Variants in NBAS observed in about 807,000 individuals in gnomAD.
The protein encoded by NBAS is NAG/BC035112 fusion.
Under a neutral mutation model 302.5 loss-of-function variants are expected in NBAS, and 219 were observed. That is an observed-to-expected ratio of 0.72 (90% CI 0.65 to 0.81). The LOEUF (loss-of-function observed/expected upper bound fraction) is 0.81, where lower values mean the gene tolerates loss of function less well. Ranked by LOEUF, NBAS falls within the 30% of genes least tolerant of loss-of-function variation. The probability of loss-of-function intolerance (pLI) is 0.00; values close to 1 mark genes in which losing one functional copy is unlikely to be tolerated. For synonymous variants in NBAS, 1,118 were observed against 1,021.6 expected, an observed-to-expected ratio of 1.09 and a Z score of -1.80; for missense variants, 2,932 against 2,841.6, an observed-to-expected ratio of 1.03 and a Z score of -0.72.
At chr2:15,290,086 G>A (rs1670237709) in intron 41 of NBAS, among the ~76,000 whole-genome samples, 1 of 149,350 alleles carries the variant, frequency 6.7e-6, no homozygotes, top group Non-Finnish European at 1.5e-5. Flanking sequence ...GGAGAGAGTA[G>A]AGGGGAGAGG....
chr2:15,305,579 G>A (rs2020147), intron 40 of NBAS, among the ~76,000 whole-genome samples: 82,244 of 151,098 alleles, frequency 0.54, 23,918 homozygotes, highest in East Asian at 0.85. Context: ...AGCCTCCCCA[G>A]TAGTTGGGAT....
chr2:14,909,859 G>T, the NBAS span, among the ~76,000 whole-genome samples: 2 of 152,208 alleles, frequency 1.3e-5, no homozygotes, highest in East Asian at 1.9e-4. Context: ...GGACAGCCCA[G>T]TTGAGCTTGC....
chr2:15,229,631 A>C (rs1447834050), intron 47 of NBAS, among the ~76,000 whole-genome samples: 2 of 151,558 alleles, frequency 1.3e-5, no homozygotes, highest in African/African-American at 4.8e-5. Context: ...AGAATACAAA[A>C]ATTAGCTGGA....
At chr2:15,036,837 A>G in the NBAS span, among the ~76,000 whole-genome samples, 1 of 152,152 alleles carries the variant, frequency 6.6e-6, no homozygotes, top group Non-Finnish European at 1.5e-5. Context: ...GCTGCCCAAG[A>G]GCACACAGCT....
At chr2:15,132,502 G>A in the NBAS span, among the ~76,000 whole-genome samples, 1 of 152,080 alleles carries the variant, frequency 6.6e-6, no homozygotes, top group South Asian at 2.1e-4. Flanking sequence ...TTATAACAGT[G>A]GATATATGCC....
At chr2:15,406,060 T>C (rs1676391661) in intron 25 of NBAS, among the ~76,000 whole-genome samples, 1 of 146,720 alleles carries the variant, frequency 6.8e-6, no homozygotes, top group African/African-American at 2.5e-5. Context: ...GTAGACAAAC[T>C]GTTACTAAAG....
the NBAS span, among the ~76,000 whole-genome samples, chr2:14,961,644 A>T: frequency 1.3e-5 from 2 of 152,328 alleles, no homozygotes; most frequent in South Asian, 2.1e-4. Context: ...ATCGACTGAC[A>T]TAGGATCAAA....
chr2:15,378,187 T>C (rs144487534), intron 30 of NBAS, among the ~76,000 whole-genome samples: 2,065 of 152,224 alleles, frequency 0.014, 32 homozygotes, highest in East Asian at 0.06. Flanking sequence ...TCAGTTGCCT[T>C]GAGGCGGAAA....
chr2:14,889,541 C>T, the NBAS span, among the ~76,000 whole-genome samples: 5,777 of 152,198 alleles, frequency 0.038, 137 homozygotes, highest in Non-Finnish European at 0.051. Flanking sequence ...CAGATTACTG[C>T]GATTTTCTAA....
intron 12 of NBAS, among the ~76,000 whole-genome samples, chr2:15,479,053 C>T (rs986127046): frequency 6.6e-6 from 1 of 152,090 alleles, no homozygotes; most frequent in Non-Finnish European, 1.5e-5. Flanking sequence ...GCTTTTTCAT[C>T]TAATGCAACA....
In NBAS at chr2:15,396,486, A is replaced by G. The variant is rs771361390; in HGVS notation, c.3072-11T>C. Reference sequence around the variant, plus strand: ...GCCTCTGTCTTATCACTAATAAATTAAAAGAAGAAAAAAAAAAGCCCTTAA... The same window carrying G: ...GCCTCTGTCTTATCACTAATAAATTGAAAGAAGAAAAAAAAAAGCCCTTAA... On this transcript the variant is annotated splice_polypyrimidine_tract_variant and intron_variant, in intron 26 of 51. Coordinates refer to ENST00000281513, the MANE Select transcript of NBAS (RefSeq NM_015909.4). 1.3e-6 allele frequency: 2 copies of G among 1,555,744 alleles called. No individual in the cohort carries two copies. The highest frequency in any genetic ancestry group is 4.5e-5 in the East Asian group (2 of 44,386).
chr2:15,353,355 T>C lies in NBAS; in HGVS notation c.4089+198A>G, dbSNP rs147133154. 2.6e-3 allele frequency among the ~76,000 whole-genome samples: 401 copies of C among 152,370 alleles called. 3 individuals are homozygous for C. Among genetic ancestry groups the C allele is most frequent in the Non-Finnish European group, 4.6e-3 (315 of 68,040 alleles). On this transcript the variant is annotated intron_variant, in intron 34 of 51. Coordinates refer to ENST00000281513, the MANE Select transcript of NBAS (RefSeq NM_015909.4). ...TCTCAAGGCTGTCTTGTATCCTTTC[T>C]TCCTTGCTGTTATAAAGCCAGCAAC...
downstream of NBAS, chr2:15,166,904 G>A: frequency 2.7e-6 from 3 of 1,111,302 alleles, no homozygotes; most frequent in Non-Finnish European, 3.7e-6. Context: ...TAAAAAAGCG[G>A]CAGCTTGCTC....
At chr2:15,316,198 C>G (rs567822323) in intron 38 of NBAS, among the ~76,000 whole-genome samples, 3 of 152,302 alleles carry the variant, frequency 2.0e-5, no homozygotes, top group Admixed American at 1.3e-4. Flanking sequence ...AAAGCATTGT[C>G]TAAACAAGTT....
At chr2:15,344,037 A>G (rs1468633229) in intron 35 of NBAS, among the ~76,000 whole-genome samples, 3 of 151,764 alleles carry the variant, frequency 2.0e-5, no homozygotes, top group Non-Finnish European at 2.9e-5. Flanking sequence ...TTACAGCTCA[A>G]TAAGACAAAT....
chr2:14,806,707 G>C, the NBAS span, among the ~76,000 whole-genome samples: 1 of 152,230 alleles, frequency 6.6e-6, no homozygotes, highest in South Asian at 2.1e-4. Context: ...TCATTGTCCT[G>C]ATTACTAATA....
In NBAS at chr2:15,238,627, A is replaced by G. The variant is rs779254744; in HGVS notation, c.5784T>C (p.Phe1928=). ...AGTTTCTTTTCCTTGGCTTCTCAAT[A>G]AAATGTTTGACTGTCTTAATAGCCT... ...TRKAIKTVKH[F]IEKPRKRNSE... Residue 1928 remains phenylalanine (F), a synonymous_variant, in exon 45 of 52, where the codon TTT becomes TTC. Transcript: ENST00000281513. The G allele has an allele frequency of 4.7e-5, 76 of 1,613,290 alleles. No individual in the cohort carries two copies. Among genetic ancestry groups the G allele is most frequent in the Non-Finnish European group, 5.2e-5 (61 of 1,179,882 alleles).
At chr2:15,183,738 G>A (rs1393686250) in intron 50 of NBAS, among the ~76,000 whole-genome samples, 1 of 151,802 alleles carries the variant, frequency 6.6e-6, no homozygotes, top group African/African-American at 2.4e-5. Context: ...TATGTATGAT[G>A]TTCCCTGCCC....
chr2:15,026,270 C>T, the NBAS span, among the ~76,000 whole-genome samples: 1 of 51,460 alleles, frequency 1.9e-5, no homozygotes, highest in Non-Finnish European at 3.5e-5. Flanking sequence ...TCCTGGCTAA[C>T]AAGGTGAAAC....
Sources: gnomAD v4.1 joint callset for allele counts (sites outside exome capture counted in the v4.1 genomes callset) on GRCh38, gnomAD v4.1.1 for gene constraint, MANE v1.5 for transcripts, NCBI Gene and HGNC (gene_info 2026-07-23, HGNC 2026-07-21) for gene names.